Variants in AUTS2 observed in about 807,000 individuals in gnomAD.
AUTS2 encodes the protein autism susceptibility gene 2 protein.
AUTS2 carries 17 observed loss-of-function variants against 112.4 expected under a neutral mutation model. The ratio of observed to expected loss-of-function variants is 0.15; its 90% CI spans 0.10 to 0.23. The LOEUF is 0.23. AUTS2 is among the 10% of genes least tolerant of loss of function. The probability of loss-of-function intolerance (pLI) is 1.00; values close to 1 mark genes in which losing one functional copy is unlikely to be tolerated. For synonymous variants in AUTS2, 751 were observed against 702.7 expected (o/e 1.07, Z -1.09); for missense variants, 1,510 against 1,701.6 (o/e 0.89, Z 1.98).
At chr7:69,607,126 G>A (rs1330395246) in intron 1 of AUTS2, among the ~76,000 whole-genome samples, 2 of 152,198 alleles carry the variant, frequency 1.3e-5, no homozygotes, top group Non-Finnish European at 2.9e-5. Context: ...TGTTTAGGAA[G>A]AAACTAGACA....
At chr7:69,959,555 G>A (rs1030119660) in intron 2 of AUTS2, among the ~76,000 whole-genome samples, 3 of 152,076 alleles carry the variant, frequency 2.0e-5, no homozygotes, top group Non-Finnish European at 2.9e-5. Flanking sequence ...CTCGGACTTT[G>A]TTATCACCTA....
intron 1 of AUTS2, among the ~76,000 whole-genome samples, chr7:69,878,274 G>A (rs1056649216): frequency 2.6e-5 from 4 of 152,172 alleles, no homozygotes; most frequent in African/African-American, 9.7e-5. Flanking sequence ...CCCTAAGGTG[G>A]AGGGAGCGGG....
At chr7:70,002,114 A>G (rs1799226188) in intron 2 of AUTS2, among the ~76,000 whole-genome samples, 1 of 152,114 alleles carries the variant, frequency 6.6e-6, no homozygotes, top group Non-Finnish European at 1.5e-5. Context: ...CTAACAAGTG[A>G]TATAAGTAAA....
At chr7:70,586,428 C>A (rs963025232) in intron 5 of AUTS2, among the ~76,000 whole-genome samples, 2 of 126,350 alleles carry the variant, frequency 1.6e-5, no homozygotes, top group African/African-American at 5.1e-5. Flanking sequence ...AGGCCTTCAG[C>A]CAACAGAGAA....
At chr7:69,749,843 T>A (rs1309389797) in intron 1 of AUTS2, among the ~76,000 whole-genome samples, 1 of 152,162 alleles carries the variant, frequency 6.6e-6, no homozygotes, top group Non-Finnish European at 1.5e-5. Context: ...TTTTGCCTCT[T>A]GAGTGCCATT....
At chr7:70,564,171 C>T (rs567952074) in intron 5 of AUTS2, among the ~76,000 whole-genome samples, 49 of 152,274 alleles carry the variant, frequency 3.2e-4, no homozygotes, top group African/African-American at 1.1e-3. Context: ...AGTTCTATTA[C>T]AATCATGTAA....
intron 1 of AUTS2, among the ~76,000 whole-genome samples, chr7:69,776,930 A>G (rs1017504974): frequency 6.6e-6 from 1 of 152,224 alleles, no homozygotes; most frequent in Non-Finnish European, 1.5e-5. Context: ...TGCTGACTAA[A>G]GATCCAGTCT....
intron 2 of AUTS2, among the ~76,000 whole-genome samples, chr7:70,063,661 T>C (rs1191210599): frequency 6.6e-6 from 1 of 152,200 alleles, no homozygotes; most frequent in Non-Finnish European, 1.5e-5. Flanking sequence ...GCAGTGTTCA[T>C]TTTCAGGGCC....
intron 1 of AUTS2, among the ~76,000 whole-genome samples, chr7:69,720,390 A>G (rs1002736481): frequency 1.3e-5 from 2 of 152,214 alleles, no homozygotes; most frequent in East Asian, 1.9e-4. Context: ...GCTCTTGGAA[A>G]GAAGATCTCA....
chr7:70,708,185 A>T (rs1337704887), intron 6 of AUTS2, among the ~76,000 whole-genome samples: 1 of 152,144 alleles, frequency 6.6e-6, no homozygotes, highest in African/African-American at 2.4e-5. Context: ...TTTAGCCAAG[A>T]TTACATCATT....
At chr7:70,133,604 G>C (rs542136185) in intron 3 of AUTS2, among the ~76,000 whole-genome samples, 26 of 152,286 alleles carry the variant, frequency 1.7e-4, no homozygotes, top group African/African-American at 6.3e-4. Context: ...CAGGGAAGAA[G>C]CCTGGCTGGT....
chr7:69,984,778 ACC>A (rs1359932838), intron 2 of AUTS2, among the ~76,000 whole-genome samples: 3 of 152,026 alleles, frequency 2.0e-5, no homozygotes, highest in Non-Finnish European at 4.4e-5. Flanking sequence ...CTTTCTGGAA[ACC>A]CAGGTCCCCA....
chr7:69,907,421 A>G (rs1482205581), intron 2 of AUTS2, among the ~76,000 whole-genome samples: 1 of 152,234 alleles, frequency 6.6e-6, no homozygotes, highest in Non-Finnish European at 1.5e-5. Flanking sequence ...AGGACTCCCC[A>G]TGGATACTAA....
chr7:70,219,530 T>A (rs1282127452), intron 4 of AUTS2, among the ~76,000 whole-genome samples: 1 of 151,956 alleles, frequency 6.6e-6, no homozygotes, highest in Non-Finnish European at 1.5e-5. Flanking sequence ...TGTTTTGAGA[T>A]CTGAACAGAA....
chr7:70,289,374 T>G (rs1025186294), intron 4 of AUTS2, among the ~76,000 whole-genome samples: 1 of 152,348 alleles, frequency 6.6e-6, no homozygotes, highest in Middle Eastern at 3.4e-3. Context: ...ATGTGCTCCC[T>G]TCTCTTTCAT....
intron 2 of AUTS2, among the ~76,000 whole-genome samples, chr7:70,061,630 G>A (rs1802248523): frequency 6.6e-6 from 1 of 152,016 alleles, no homozygotes; most frequent in African/African-American, 2.4e-5. Flanking sequence ...GATACTTATG[G>A]TAGTACTCTG....
At chr7:69,838,970 G>A (rs534327023) in intron 1 of AUTS2, among the ~76,000 whole-genome samples, 25 of 152,068 alleles carry the variant, frequency 1.6e-4, no homozygotes, top group Non-Finnish European at 3.5e-4. Flanking sequence ...AATCCTAACC[G>A]GCAACAGATA....
intron 1 of AUTS2, among the ~76,000 whole-genome samples, chr7:69,684,950 C>G (rs903521144): frequency 1.3e-5 from 2 of 152,194 alleles, no homozygotes; most frequent in African/African-American, 4.8e-5. Context: ...TATGTTCAGA[C>G]TACCTCATTG....
chr7:70,595,273 G>A (rs1250078922), intron 5 of AUTS2, among the ~76,000 whole-genome samples: 1 of 152,120 alleles, frequency 6.6e-6, no homozygotes, highest in East Asian at 1.9e-4. Context: ...TGGGCAGAGC[G>A]TTGAGGTGTG....
Sources: allele counts gnomAD v4.1 joint callset (sites outside exome capture counted in the v4.1 genomes callset), GRCh38; gene constraint gnomAD v4.1.1; transcripts MANE v1.5; gene names NCBI Gene and HGNC (gene_info 2026-07-23, HGNC 2026-07-21).